The following FRMD8 variants were observed in gnomAD, a reference collection of about 807,000 sequenced individuals.
FRMD8 encodes FERM domain-containing protein 8.
In FRMD8, 37 loss-of-function variants were observed where a neutral mutation model predicts 54.2. That is an observed-to-expected ratio of 0.68 (90% CI 0.53 to 0.90). The LOEUF (loss-of-function observed/expected upper bound fraction) is 0.90, where lower values mean the gene tolerates loss of function less well. Among genes scored for constraint, FRMD8 ranks in the 40% least tolerant of loss-of-function variants. The pLI is 0.00. For synonymous variants in FRMD8, 246 were observed against 286.9 expected (o/e 0.86, Z 1.44); for missense variants, 585 against 653.7 (o/e 0.89, Z 1.15).
chr11:65,397,161 C>A, intron 7 of FRMD8, 141 bp downstream of exon 7: 1 of 482,514 alleles, frequency 2.1e-6, no homozygotes, highest in Non-Finnish European at 3.6e-6. Context: ...GCACCTCAGG[C>A]CCCACCGTTC....
chr11:65,394,399 C>T lies in FRMD8; in HGVS notation c.555C>T (p.Pro185=), dbSNP rs554399787. Residue 185 remains proline (P), a synonymous_variant, in exon 6 of 11, where the codon CCC becomes CCT. Coordinates refer to ENST00000317568, the MANE Select transcript of FRMD8 (RefSeq NM_031904.5). ...VCRVQLGPYQ[P]GRPAACDLRE... ...GCGTGCAGCTTGGGCCCTACCAGCC[C>T]GGCCGGCCGGCAGCCTGCGACCTGA... 1.5e-5 allele frequency: 24 copies of T among 1,569,114 alleles called. No homozygotes were observed. The highest frequency in any genetic ancestry group is 1.7e-4 in the Middle Eastern group (1 of 5,962).
rs771542952 is a variant in FRMD8, at chr11:65,411,331, C to T, written c.1366C>T (p.Gln456Ter). ...GGGCCAGGGGAGCTACACCGTGGTG[C>T]AGCCCGGCGACAGCCTGGAGCAGGG... ...SLGQGSYTVV[Q>*]PGDSLEQG Residue 456 changes from glutamine (Q) to a stop codon, truncating the protein, a stop_gained, in exon 11 of 11, where the codon CAG (glutamine) becomes TAG (stop). Coordinates refer to ENST00000317568, the MANE Select transcript of FRMD8 (RefSeq NM_031904.5). LOFTEE classifies it high-confidence loss of function. 6.9e-6 allele frequency: 11 copies of T among 1,604,482 alleles called. No individual in the cohort carries two copies. The highest frequency in any genetic ancestry group is 8.5e-6 in the Non-Finnish European group (10 of 1,176,868).
rs1341497776 is a variant in FRMD8 at position 65,412,165 on chromosome 11, A to G, written c.*805A>G. 6.6e-6 allele frequency: 1 copy of G among 152,270 alleles called. No individual in the cohort carries two copies. The highest frequency in any genetic ancestry group is 2.4e-5 in the African/African-American group (1 of 41,448). The allele number at this position is 152,270 out of a possible 1,614,324, so 9.4% of individuals were successfully genotyped here. On this transcript the variant is annotated 3_prime_UTR_variant, in exon 11 of 11. Coordinates refer to ENST00000317568, the MANE Select transcript of FRMD8 (RefSeq NM_031904.5). ...TGTGGACCACCTGGCCTCCAGACCC[A>G]CACTCACAGTCTGTGAAAAACTGAA... is the stretch of plus-strand genomic sequence containing the variant.
chr11:65,389,293 G>A, intron 2 of FRMD8, 68 bp from the exon 3 acceptor site: 1 of 1,514,396 alleles, frequency 6.6e-7, no homozygotes, highest in Non-Finnish European at 9.1e-7. Context: ...GGTAGAGGGT[G>A]CCTGGTTGGC....
At chr11:65,377,104 G>A in the FRMD8 span, 24 of 1,601,738 alleles carry the variant, frequency 1.5e-5, no homozygotes, top group Middle Eastern at 3.4e-4. Context: ...TGAGGGCCCC[G>A]GGTGGGGCTT....
Position 65,394,407 on chromosome 11 carries a change from C to G in FRMD8, c.563C>G (p.Pro188Arg). ...VQLGPYQPGRPAACDLREKLD... is the reference protein window; with the variant it reads ...VQLGPYQPGRRAACDLREKLD... ...CTTGGGCCCTACCAGCCCGGCCGGC[C>G]GGCAGCCTGCGACCTGAGGTGAGGG... The change falls in exon 6 of 11, where the codon CCG becomes CGG. Residue 188 changes from proline (P) to arginine (R), a missense_variant. By Grantham distance (103) the Pro-to-Arg change is moderately radical (BLOSUM62 -2). Transcript: ENST00000317568. The G allele has an allele frequency of 6.4e-7, 1 of 1,567,610 alleles. No homozygotes were observed. Among genetic ancestry groups the G allele is most frequent in the Non-Finnish European group, 8.6e-7 (1 of 1,159,122 alleles).
chr11:65,380,205 G>A, the FRMD8 span: 2 of 1,614,024 alleles, frequency 1.2e-6, no homozygotes, highest in Non-Finnish European at 1.7e-6. Flanking sequence ...CTATGAGTGA[G>A]GGCCCTCGTG....
chr11:65,387,137 A>G lies in FRMD8; in HGVS notation c.85+16A>G. 1 of 1,599,534 alleles carries G rather than the reference A, an allele frequency of 6.3e-7. No individual in the cohort carries two copies. Among genetic ancestry groups the G allele is most frequent in the South Asian group, 1.1e-5 (1 of 91,006 alleles). On this transcript the variant is annotated intron_variant, in intron 2 of 10. Coordinates refer to ENST00000317568, the MANE Select transcript of FRMD8 (RefSeq NM_031904.5). The stretch of plus-strand genomic sequence containing the variant: ...GGAGCCCGAGGTGGGTCCCACCCGC[A>G]TCTCCTCTTCCACACCCTCCTGGGA...
intron 7 of FRMD8, among the ~76,000 whole-genome samples, chr11:65,399,506 C>T (rs1856024236): frequency 6.6e-6 from 1 of 152,196 alleles, no homozygotes; most frequent in African/African-American, 2.4e-5. Context: ...CTGCAGTGCC[C>T]ACCCTTCTCT....
intron 3 of FRMD8, among the ~76,000 whole-genome samples, chr11:65,389,819 G>A (rs1485592064): frequency 6.6e-6 from 1 of 152,208 alleles, no homozygotes; most frequent in Non-Finnish European, 1.5e-5. Context: ...CCGCAGGAGG[G>A]AGGGAGGAAG....
At chr11:65,382,727 C>A (rs1855639311), upstream of FRMD8, 1 of 152,750 alleles carries the variant, frequency 6.5e-6, no homozygotes, top group Admixed American at 6.5e-5. This position sits in a 1 kb window ranked among gnomAD's most constrained non-coding sequence, Gnocchi z 4.4. Context: ...CCACCCACCC[C>A]CTTGCTTTCT....
chr11:65,402,059 A>G (rs1590657333), intron 9 of FRMD8, among the ~76,000 whole-genome samples: 2 of 152,034 alleles, frequency 1.3e-5, no homozygotes, highest in East Asian at 1.9e-4. Flanking sequence ...TTGAAAAGAC[A>G]TTGAATTGGC....
the FRMD8 span, chr11:65,381,518 C>CA: frequency 5.1e-6 from 1 of 195,500 alleles, no homozygotes; most frequent in Non-Finnish European, 1.1e-5. Flanking sequence ...CTCAGCCTCG[C>CA]AAAGTGCTGG....
chr11:65,370,649 G>A, the FRMD8 span, among the ~76,000 whole-genome samples: 4 of 150,910 alleles, frequency 2.7e-5, no homozygotes, highest in Non-Finnish European at 5.9e-5. Flanking sequence ...GCAGTGACCC[G>A]AGATCTTGCC....
upstream of FRMD8, chr11:65,382,841 C>T (rs1208005022): frequency 1.3e-5 from 2 of 152,290 alleles, no homozygotes; most frequent in Non-Finnish European, 2.9e-5. This position sits in a 1 kb window ranked among gnomAD's most constrained non-coding sequence, Gnocchi z 4.4. Flanking sequence ...GCCCTGGCAC[C>T]CCTCCAGCTG....
the FRMD8 span, chr11:65,377,357 C>T: frequency 4.6e-5 from 60 of 1,303,816 alleles, no homozygotes; most frequent in Non-Finnish European, 5.7e-5. Context: ...GCACTCAGAA[C>T]AAGCCTGGAT....
upstream of FRMD8, among the ~76,000 whole-genome samples, chr11:65,384,658 C>T (rs1855702644): frequency 6.6e-6 from 1 of 152,326 alleles, no homozygotes; most frequent in African/African-American, 2.4e-5. Context: ...GAGACTTTTC[C>T]TGCCTGTAGC....
At chr11:65,387,002 C>G in intron 1 of FRMD8, 35 bp from the exon 2 acceptor site, 1 of 1,582,418 alleles carries the variant, frequency 6.3e-7, no homozygotes, top group Non-Finnish European at 8.6e-7. Flanking sequence ...CCATCCCTGG[C>G]TCCCGGTAAC....
At chr11:65,393,858 T>G in intron 4 of FRMD8, 183 bp from the exon 5 acceptor site, 1 of 781,904 alleles carries the variant, frequency 1.3e-6, no homozygotes. Flanking sequence ...GAAGCCCCAT[T>G]GGGGGATGGG....
Sources: allele counts gnomAD v4.1 joint callset (sites outside exome capture counted in the v4.1 genomes callset), GRCh38; gene constraint gnomAD v4.1.1; non-coding constraint Gnocchi (gnomAD v3.1); transcripts MANE v1.5; gene names NCBI Gene and HGNC (gene_info 2026-07-23, HGNC 2026-07-21).